STRN3: variants seen among roughly 807,000 people sequenced by gnomAD.
The protein encoded by STRN3 is striatin 3.
Under a neutral mutation model 95.6 loss-of-function variants are expected in STRN3, and 29 were observed. That is an observed-to-expected ratio of 0.30 (90% confidence interval 0.23 to 0.41). The LOEUF is 0.41. Among genes scored for constraint, STRN3 ranks in the 10% least tolerant of loss-of-function variants. STRN3 has a pLI of 1.00. For missense variants in STRN3, 890 were observed against 972.1 expected (o/e 0.92, Z 1.12); for synonymous variants, 331 against 357.6 (o/e 0.93, Z 0.84).
intron 1 of STRN3, among the ~76,000 whole-genome samples, chr14:30,985,928 C>T (rs947882349): frequency 6.6e-6 from 1 of 152,154 alleles, no homozygotes; most frequent in African/African-American, 2.4e-5. Flanking sequence ...GTCTCCCACA[C>T]ACCCCCCTCA....
Position 31,026,139 on chromosome 14 carries a change from G to A in STRN3, c.47C>T (p.Ala16Val). Residue 16 changes from alanine (A) to valine (V), a missense_variant, in exon 1 of 18, where the codon GCC (alanine) becomes GTC (valine). By Grantham distance (64) the Ala-to-Val change is moderately conservative. This residue lies in a region of STRN3 where 526 missense variants were observed against 526.3 expected (regional missense o/e 1.00). Coordinates refer to ENST00000357479, the MANE Select transcript of STRN3 (RefSeq NM_001083893.2). The stretch of plus-strand genomic sequence containing the variant: ...AGGTCCCTGCTGCTGCCGGGGAGGG[G>A]CCGCCATCCCCGGGCCGCCACCACC... ...GGGGGGPGMA[A>V]PPRQQQGPGG... 6.7e-7 allele frequency: 1 copy of A among 1,494,710 alleles called. No individual in the cohort carries two copies. The highest frequency in any genetic ancestry group is 1.5e-5 in the African/African-American group (1 of 68,456). The allele number at this position is 1,494,710 out of a possible 1,614,324, so 92.6% of individuals were successfully genotyped here.
At chr14:30,957,155 C>A (rs1410521109) in intron 1 of STRN3, among the ~76,000 whole-genome samples, 2 of 145,752 alleles carry the variant, frequency 1.4e-5, no homozygotes, top group Non-Finnish European at 1.5e-5. Context: ...GACACTCTGT[C>A]TCAAAAGAAA....
At chr14:31,016,933 T>G (rs532569756) in intron 1 of STRN3, among the ~76,000 whole-genome samples, 2 of 152,058 alleles carry the variant, frequency 1.3e-5, no homozygotes, top group African/African-American at 4.8e-5. Context: ...GGATGGCAGA[T>G]AGCTTGAGCC....
intron 8 of STRN3, among the ~76,000 whole-genome samples, chr14:30,923,539 T>C (rs75207652): frequency 0.058 from 8,831 of 152,132 alleles, 459 homozygotes; most frequent in East Asian, 0.21. Context: ...TAAACGAGAA[T>C]AATTAGGAAA....
At chr14:31,012,641 C>G (rs767975275) in intron 1 of STRN3, among the ~76,000 whole-genome samples, 2 of 152,146 alleles carry the variant, frequency 1.3e-5, no homozygotes, top group African/African-American at 2.4e-5. Context: ...CGCCTGTTAT[C>G]CCAGCAATTT....
intron 16 of STRN3, among the ~76,000 whole-genome samples, chr14:30,896,850 T>C (rs562405988): frequency 2.0e-5 from 3 of 152,290 alleles, no homozygotes; most frequent in East Asian, 3.9e-4. Flanking sequence ...CAGTGAAGAT[T>C]TGGCAAGCAA....
At chr14:31,020,113 A>T (rs1333270740) in intron 1 of STRN3, among the ~76,000 whole-genome samples, 1 of 152,222 alleles carries the variant, frequency 6.6e-6, no homozygotes, top group Non-Finnish European at 1.5e-5. Flanking sequence ...ACAATTAGGT[A>T]TTCCCGATAC....
chr14:30,905,244 A>C lies in STRN3; in HGVS notation c.2029+174T>G, dbSNP rs914690292. ...CATATGTCCACCCAAGCTTTTAAGC[A>C]AAATTTGAAGAAAAAGCAGACATAA... On this transcript the variant is annotated intron_variant, in intron 15 of 17. Coordinates refer to ENST00000357479, the MANE Select transcript of STRN3 (RefSeq NM_001083893.2). Among the ~76,000 whole-genome samples, 4 of 152,212 alleles carry C rather than the reference A, an allele frequency of 2.6e-5. No individual in the cohort carries two copies. In the South Asian group the frequency reaches 8.3e-4, roughly 31 times the overall value.
At chr14:30,990,570 G>A (rs1225366803) in intron 1 of STRN3, among the ~76,000 whole-genome samples, 1 of 152,126 alleles carries the variant, frequency 6.6e-6, no homozygotes, top group Non-Finnish European at 1.5e-5. Flanking sequence ...GGGTGTATAT[G>A]AGTGCCAAAA....
At chr14:30,917,387 G>A in intron 9 of STRN3, among the ~76,000 whole-genome samples, 1 of 151,996 alleles carries the variant, frequency 6.6e-6, no homozygotes, top group East Asian at 1.9e-4. Context: ...TTAAGTCATT[G>A]GTTTGAAACA....
intron 1 of STRN3, among the ~76,000 whole-genome samples, chr14:30,963,558 G>A (rs1319448415): frequency 1.3e-5 from 2 of 152,038 alleles, no homozygotes; most frequent in African/African-American, 2.4e-5. Context: ...ACAGGCACAC[G>A]CCACCAAACC....
At chr14:30,921,075 C>G (rs958669300) in intron 8 of STRN3, among the ~76,000 whole-genome samples, 2 of 81,586 alleles carry the variant, frequency 2.5e-5, no homozygotes, top group East Asian at 4.7e-4. Flanking sequence ...TACATATACA[C>G]ACACACACAC....
intron 1 of STRN3, among the ~76,000 whole-genome samples, chr14:30,976,882 G>A (rs1182844535): frequency 6.6e-6 from 1 of 152,178 alleles, no homozygotes; most frequent in Non-Finnish European, 1.5e-5. Context: ...CTGAGCTCAG[G>A]AGTTTGAGAC....
chr14:31,024,677 C>G (rs1221309499), intron 1 of STRN3, among the ~76,000 whole-genome samples: 1 of 152,000 alleles, frequency 6.6e-6, no homozygotes, highest in Non-Finnish European at 1.5e-5. Flanking sequence ...TTGAGGACAC[C>G]CTTTCTAGTT....
In STRN3 at chr14:30,925,535, A is replaced by C. The variant is rs1407802995; in HGVS notation, c.1099+3666T>G. On this transcript the variant is annotated intron_variant, in intron 8 of 17. Transcript: ENST00000357479. ...AATTCAGTAGGTGTGACTTATTAAC[A>C]AATTCTGGAATAAAGAAAAAAAATC... Among the ~76,000 whole-genome samples the C allele has an allele frequency of 1.1e-4, 17 of 152,336 alleles. No individual in the cohort carries two copies. The East Asian group carries it at 3.3e-3, about 29-fold the overall frequency.
chr14:31,017,564 C>T (rs1337316831), intron 1 of STRN3, among the ~76,000 whole-genome samples: 1 of 151,830 alleles, frequency 6.6e-6, no homozygotes, highest in Admixed American at 6.6e-5. Context: ...GTTACAAACT[C>T]ATTGTATTGA....
chr14:30,906,190 T>C (rs1429998394), intron 14 of STRN3, among the ~76,000 whole-genome samples: 1 of 152,178 alleles, frequency 6.6e-6, no homozygotes, highest in African/African-American at 2.4e-5. Context: ...AATACCTAAA[T>C]GAATTCTTAC....
intron 1 of STRN3, among the ~76,000 whole-genome samples, chr14:30,963,136 G>A (rs1880294881): frequency 6.6e-6 from 1 of 152,154 alleles, no homozygotes; most frequent in African/African-American, 2.4e-5. Flanking sequence ...CACACACCTA[G>A]TAACAGATTA....
At position 30,919,080 on chromosome 14, in the gene STRN3, T is replaced by C. The variant is rs1406917330; in HGVS notation, c.1126A>G (p.Met376Val). Reference protein sequence around the residue: ...KRANRTKLYDMIADLGDDELP... With the variant: ...KRANRTKLYDVIADLGDDELP... ...TCATCATCTCCCAGATCAGCTATCA[T>C]GTCGTAGAGTTTTGTCCTGTTGGCC... The change falls in exon 9 of 18, where the codon ATG (methionine) becomes GTG (valine). Residue 376 changes from methionine to valine, a missense_variant. By Grantham distance (21) the Met-to-Val change is conservative. Around this residue, in one of 3 missense-constraint regions of STRN3, gnomAD observed 526 missense variants for 526.3 expected, o/e 1.00. Coordinates refer to ENST00000357479, the MANE Select transcript of STRN3 (RefSeq NM_001083893.2). 10 of 1,609,622 alleles carry C rather than the reference T, an allele frequency of 6.2e-6. No homozygotes were observed. The highest frequency in any genetic ancestry group is 1.7e-5 in the Admixed American group (1 of 59,730).
Sources: allele counts gnomAD v4.1 joint callset (sites outside exome capture counted in the v4.1 genomes callset), GRCh38; gene constraint gnomAD v4.1.1; regional missense constraint gnomAD v4.1.1; transcripts MANE v1.5; gene names NCBI Gene and HGNC (gene_info 2026-07-23, HGNC 2026-07-21).